The following INPP4B variants were observed in gnomAD, a reference collection of about 807,000 sequenced individuals.
INPP4B encodes inositol polyphosphate 4-phosphatase type II.
Under a neutral mutation model 122.5 loss-of-function variants are expected in INPP4B, and 55 were observed. That is an observed-to-expected ratio of 0.45 (90% CI 0.36 to 0.56). The LOEUF (loss-of-function observed/expected upper bound fraction) is 0.56, where lower values mean the gene tolerates loss of function less well. Ranked by LOEUF, INPP4B falls within the 20% of genes least tolerant of loss-of-function variation. INPP4B has a pLI of 0.00. For missense variants in INPP4B, 1,000 were observed against 1,097.7 expected, an observed-to-expected ratio of 0.91 and a Z score of 1.26; for synonymous variants, 403 against 388.7, an observed-to-expected ratio of 1.04 and a Z score of -0.43.
intron 2 of INPP4B, among the ~76,000 whole-genome samples, chr4:142,498,683 C>G (rs550633278): frequency 5.9e-5 from 9 of 151,888 alleles, no homozygotes; most frequent in African/African-American, 2.2e-4. Context: ...AGCACCTACT[C>G]GAGAGGTTGA....
At chr4:142,688,773 C>T (rs889019132) in intron 2 of INPP4B, among the ~76,000 whole-genome samples, 1 of 152,180 alleles carries the variant, frequency 6.6e-6, no homozygotes, top group Non-Finnish European at 1.5e-5. Flanking sequence ...GTTTAGGACT[C>T]ATGCAGCTGG....
intron 2 of INPP4B, among the ~76,000 whole-genome samples, chr4:142,634,043 G>A (rs530686872): frequency 6.6e-6 from 1 of 151,264 alleles, no homozygotes; most frequent in Non-Finnish European, 1.5e-5. Flanking sequence ...AAGGAGGGAG[G>A]TGGGGGGAAA....
intron 7 of INPP4B, among the ~76,000 whole-genome samples, chr4:142,370,699 C>CA (rs1469676568): frequency 2.6e-5 from 4 of 151,598 alleles, no homozygotes; most frequent in South Asian, 2.1e-4. Flanking sequence ...ATAGCTACAA[C>CA]AAAAAAACAC....
intron 2 of INPP4B, among the ~76,000 whole-genome samples, chr4:142,684,173 T>G (rs969448928): frequency 6.6e-6 from 1 of 152,060 alleles, no homozygotes; most frequent in Non-Finnish European, 1.5e-5. Flanking sequence ...TCCTCATGTT[T>G]GCAAGTGGGA....
chr4:142,070,071 G>A (rs10027946), intron 25 of INPP4B, among the ~76,000 whole-genome samples: 3 of 152,098 alleles, frequency 2.0e-5, no homozygotes, highest in Non-Finnish European at 2.9e-5. Flanking sequence ...GAAGAACATC[G>A]AAGCAAAAAT....
intron 17 of INPP4B, among the ~76,000 whole-genome samples, chr4:142,149,860 T>C (rs535141766): frequency 5.5e-4 from 83 of 152,258 alleles, no homozygotes; most frequent in African/African-American, 2.0e-3. Context: ...AGGCCCCAGA[T>C]CCATTCATGT....
intron 2 of INPP4B, among the ~76,000 whole-genome samples, chr4:142,622,553 C>A (rs1344310030): frequency 6.6e-6 from 1 of 151,796 alleles, no homozygotes; most frequent in African/African-American, 2.4e-5. Context: ...ACAATGAGAC[C>A]GCCTGAGTGG....
At chr4:142,525,275 G>C (rs1826743434) in intron 2 of INPP4B, among the ~76,000 whole-genome samples, 2 of 151,452 alleles carry the variant, frequency 1.3e-5, no homozygotes, top group Admixed American at 6.6e-5. Context: ...CATGCTCATG[G>C]GTAGGAAGAA....
In INPP4B at chr4:142,026,103, T is replaced by C. The variant is rs1400870571; in HGVS notation, c.*2679A>G. On this transcript the variant is annotated 3_prime_UTR_variant, in exon 26 of 26. Transcript: ENST00000262992. ...AAATGTCATTTGCTCAGTTCATTTT[T>C]TGGCTCAATATGACCTCCTAAAATA... 1 of 152,224 alleles carries C rather than the reference T, an allele frequency of 6.6e-6. No homozygotes were observed. Among genetic ancestry groups the C allele is most frequent in the Non-Finnish European group, 1.5e-5 (1 of 68,034 alleles). The allele number at this position is 152,224 out of a possible 1,614,324, so 9.4% of individuals were successfully genotyped here.
intron 2 of INPP4B, among the ~76,000 whole-genome samples, chr4:142,560,242 G>A (rs142534966): frequency 1.8e-4 from 28 of 152,282 alleles, no homozygotes; most frequent in African/African-American, 6.0e-4. Context: ...ATGCTGAGCC[G>A]GAAAAGGGTC....
At chr4:142,338,184 T>C (rs59780536) in intron 7 of INPP4B, among the ~76,000 whole-genome samples, 17,656 of 152,162 alleles carry the variant, frequency 0.12, 1,090 homozygotes, top group East Asian at 0.18. Context: ...TAAAAAATTA[T>C]GTGATTAAGT....
At chr4:142,670,639 G>A (rs1259661079) in intron 2 of INPP4B, among the ~76,000 whole-genome samples, 1 of 152,016 alleles carries the variant, frequency 6.6e-6, no homozygotes, top group Non-Finnish European at 1.5e-5. Context: ...TGACTATCAA[G>A]GGCTGCGGTG....
At chr4:142,667,538 C>A (rs1450067237) in intron 2 of INPP4B, among the ~76,000 whole-genome samples, 4 of 152,122 alleles carry the variant, frequency 2.6e-5, no homozygotes, top group African/African-American at 9.7e-5. Flanking sequence ...TTACAAATTG[C>A]ATAGAAAAAT....
chr4:142,202,818 G>A (rs1841229602), intron 14 of INPP4B: 1 of 979,162 alleles, frequency 1.0e-6, no homozygotes. Flanking sequence ...GTGCTTGACA[G>A]GTGTGTTTCA....
intron 5 of INPP4B, among the ~76,000 whole-genome samples, chr4:142,415,765 A>C (rs1168372303): frequency 6.6e-6 from 1 of 152,198 alleles, no homozygotes; most frequent in Non-Finnish European, 1.5e-5. Flanking sequence ...AATGTCCAAC[A>C]ATGATAGACT....
chr4:142,135,098 A>G (rs1347623473), intron 18 of INPP4B, among the ~76,000 whole-genome samples: 1 of 152,232 alleles, frequency 6.6e-6, no homozygotes, highest in Admixed American at 6.5e-5. Context: ...GTTGAACAAT[A>G]TTCACTTATT....
chr4:142,718,331 C>T (rs1353234563), intron 2 of INPP4B, among the ~76,000 whole-genome samples: 1 of 152,148 alleles, frequency 6.6e-6, no homozygotes, highest in Non-Finnish European at 1.5e-5. Flanking sequence ...GTAGTTAAAA[C>T]AGTTTGTTTA....
intron 17 of INPP4B, among the ~76,000 whole-genome samples, chr4:142,148,871 G>C (rs1057479477): frequency 6.6e-6 from 1 of 152,176 alleles, no homozygotes; most frequent in Admixed American, 6.5e-5. Flanking sequence ...GAGGACACAG[G>C]AGATGACACA....
At chr4:142,257,874 A>AGTTC (rs1737227871) in intron 11 of INPP4B, among the ~76,000 whole-genome samples, 1 of 152,178 alleles carries the variant, frequency 6.6e-6, no homozygotes, top group African/African-American at 2.4e-5. Context: ...TATGGAACCA[A>AGTTC]AAAAGAGCCT....
Sources: allele counts gnomAD v4.1 joint callset (sites outside exome capture counted in the v4.1 genomes callset), GRCh38; gene constraint gnomAD v4.1.1; transcripts MANE v1.5; gene names NCBI Gene and HGNC (gene_info 2026-07-23, HGNC 2026-07-21).